Variants in C8A observed in about 807,000 individuals in gnomAD.
The protein encoded by C8A is complement C8 alpha chain.
C8A carries 67 observed loss-of-function variants against 65.3 expected under a neutral mutation model. The observed-to-expected ratio is 1.03, with a 90% CI of 0.84 to 1.26. The LOEUF (loss-of-function observed/expected upper bound fraction) is 1.26. Ranked by LOEUF, C8A falls within the 50% of genes most tolerant of loss-of-function variation. The pLI is 0.00. For missense variants in C8A, 781 were observed against 723.9 expected (o/e 1.08, Z -0.90); for synonymous variants, 290 against 259.4 (o/e 1.12, Z -1.13).
At chr1:56,894,835 T>C (rs1471321798) in intron 7 of C8A, among the ~76,000 whole-genome samples, 1 of 152,146 alleles carries the variant, frequency 6.6e-6, no homozygotes, top group Non-Finnish European at 1.5e-5. Context: ...GGTTTCTCTT[T>C]GTCATAATCA....
At chr1:56,869,731 A>C (rs921801118) in intron 2 of C8A, among the ~76,000 whole-genome samples, 1 of 152,092 alleles carries the variant, frequency 6.6e-6, no homozygotes, top group African/African-American at 2.4e-5. Flanking sequence ...GTGATATCTC[A>C]TTACAGTTTT....
chr1:56,895,134 T>A (rs1644378968), intron 7 of C8A, among the ~76,000 whole-genome samples: 1 of 152,106 alleles, frequency 6.6e-6, no homozygotes, highest in African/African-American at 2.4e-5. Context: ...TGAACCTAGG[T>A]CTTCTGATTT....
rs768726327 is a variant in C8A at position 56,881,489 on chromosome 1, C to T, written c.509C>T (p.Ala170Val). The change falls in exon 5 of 11, where the codon GCC becomes GTC. Residue 170 changes from alanine to valine, a missense_variant. Physicochemically the swap from Ala to Val is moderately conservative, Grantham distance 64. Coordinates refer to ENST00000361249, the MANE Select transcript of C8A (RefSeq NM_000562.3). ...TQEDAQSVYD[A>V]SYYGGQCETV... is the part of the protein sequence containing the mutation. The stretch of plus-strand genomic sequence containing the variant: ...GAAGATGCTCAGAGTGTGTACGATG[C>T]CAGTTATTATGGGGGCCAGTGTGAG... 6.2e-7 allele frequency: 1 copy of T among 1,613,660 alleles called. No individual in the cohort carries two copies. The highest frequency in any genetic ancestry group is 1.1e-5 in the South Asian group (1 of 91,066).
Position 56,917,645 on chromosome 1 carries a change from T to G in C8A, c.1684T>G (p.Cys562Gly). Residue 562 changes from cysteine (C) to glycine (G), a missense_variant, in exon 11 of 11, where the codon TGT becomes GGT. Physicochemically the swap from Cys to Gly is radical, Grantham distance 159. Coordinates refer to ENST00000361249, the MANE Select transcript of C8A (RefSeq NM_000562.3). ...RAGIQERRRE[C>G]DNPAPQNGGA... ...AGGCATCCAGGAAAGGAGAAGAGAGTGTGACAATCCAGCACCTCAGAATGG... is the reference window on the plus strand; with the variant it reads ...AGGCATCCAGGAAAGGAGAAGAGAGGGTGACAATCCAGCACCTCAGAATGG... 1 of 1,614,022 alleles carries G rather than the reference T, an allele frequency of 6.2e-7. No homozygotes were observed. Among genetic ancestry groups the G allele is most frequent in the Non-Finnish European group, 8.5e-7 (1 of 1,179,986 alleles).
At chr1:56,912,004 A>G (rs921991240) in intron 9 of C8A, among the ~76,000 whole-genome samples, 2 of 152,176 alleles carry the variant, frequency 1.3e-5, no homozygotes, top group South Asian at 2.1e-4. Flanking sequence ...GAATGCACAC[A>G]TTGCTCCAGG....
At chr1:56,886,863 G>A (rs1036233205) in intron 7 of C8A, among the ~76,000 whole-genome samples, 1 of 152,100 alleles carries the variant, frequency 6.6e-6, no homozygotes, top group Admixed American at 6.6e-5. Context: ...CTAGGAGAAC[G>A]GTGGTTCTCA....
intron 7 of C8A, among the ~76,000 whole-genome samples, chr1:56,893,671 T>C (rs1644366222): frequency 6.6e-6 from 1 of 152,170 alleles, no homozygotes; most frequent in African/African-American, 2.4e-5. Context: ...GGGCAGATAA[T>C]TTAATCATCT....
At chr1:56,869,318 G>T (rs1378706313) in intron 2 of C8A, among the ~76,000 whole-genome samples, 2 of 152,218 alleles carry the variant, frequency 1.3e-5, no homozygotes, top group East Asian at 1.9e-4. Context: ...TGGCCTCCAT[G>T]TCCATCCAAG....
Position 56,892,427 on chromosome 1 carries a change from A to G in C8A, c.1096+6260A>G, listed in dbSNP as rs557875454. On this transcript the variant is annotated intron_variant, in intron 7 of 10. Transcript: ENST00000361249. ...AAGGCAAAAAAGTCATATCACTAGT[A>G]AATGAAAAATATACAAAGTGAGTTA... 9.9e-5 allele frequency among the ~76,000 whole-genome samples: 15 copies of G among 152,240 alleles called. No individual in the cohort carries two copies. In the East Asian group the frequency reaches 1.2e-3, roughly 12 times the overall value.
chr1:56,889,486 C>T (rs796450557), intron 7 of C8A, among the ~76,000 whole-genome samples: 1 of 152,270 alleles, frequency 6.6e-6, no homozygotes, highest in African/African-American at 2.4e-5. Context: ...TTCTCTTCCC[C>T]TCGGTCTCAT....
chr1:56,896,657 A>T (rs888729014), intron 7 of C8A, among the ~76,000 whole-genome samples: 11 of 152,196 alleles, frequency 7.2e-5, no homozygotes, highest in Non-Finnish European at 1.3e-4. Flanking sequence ...ATAATGTTTG[A>T]TCAAATACCT....
intron 4 of C8A, among the ~76,000 whole-genome samples, chr1:56,877,071 ATC>A (rs965506537): frequency 2.0e-5 from 3 of 152,200 alleles, no homozygotes; most frequent in Non-Finnish European, 4.4e-5. Context: ...TATACCAGCG[ATC>A]TCTCTCTTTC....
intron 1 of C8A, among the ~76,000 whole-genome samples, chr1:56,862,626 T>A (rs1644045606): frequency 1.3e-5 from 2 of 152,138 alleles, no homozygotes; most frequent in Admixed American, 6.5e-5. Flanking sequence ...TATAGACTTG[T>A]GCTCATTCTA....
At chr1:56,888,681 T>TA (rs369529471) in intron 7 of C8A, among the ~76,000 whole-genome samples, 1 of 152,030 alleles carries the variant, frequency 6.6e-6, no homozygotes, top group African/African-American at 2.4e-5. Context: ...ATGTAAAATG[T>TA]AAAAAAAGCA....
chr1:56,901,349 G>A (rs1403201988), intron 7 of C8A, among the ~76,000 whole-genome samples: 1 of 152,130 alleles, frequency 6.6e-6, no homozygotes, highest in Non-Finnish European at 1.5e-5. Context: ...TTAATCTGAG[G>A]AATGACAGAC....
chr1:56,907,902 A>T, intron 8 of C8A, 54 bp from the exon 9 acceptor site: 1 of 1,603,872 alleles, frequency 6.2e-7, no homozygotes, highest in Non-Finnish European at 8.5e-7. Context: ...TTTGTCAACC[A>T]GTCCTTGGGC....
At chr1:56,876,256 T>C in intron 4 of C8A, 47 bp downstream of exon 4, 1 of 1,611,022 alleles carries the variant, frequency 6.2e-7, no homozygotes, top group Non-Finnish European at 8.5e-7. Context: ...ATGATTTGTC[T>C]TCAATCGTGA....
At chr1:56,892,745 C>T (rs1644357580) in intron 7 of C8A, among the ~76,000 whole-genome samples, 1 of 152,116 alleles carries the variant, frequency 6.6e-6, no homozygotes, top group Admixed American at 6.6e-5. Flanking sequence ...CTCCAGACCC[C>T]TTCTGTGGCT....
At chr1:56,906,158 C>T (rs1188975987) in intron 7 of C8A, among the ~76,000 whole-genome samples, 27 of 152,094 alleles carry the variant, frequency 1.8e-4, no homozygotes, top group Non-Finnish European at 1.0e-4. Flanking sequence ...GCACAGAGAA[C>T]ATCGGTAGCT....
Sources: allele counts gnomAD v4.1 joint callset (sites outside exome capture counted in the v4.1 genomes callset), GRCh38; gene constraint gnomAD v4.1.1; transcripts MANE v1.5; gene names NCBI Gene and HGNC (gene_info 2026-07-23, HGNC 2026-07-21).